The following EYS variants were observed in gnomAD, a reference collection of about 807,000 sequenced individuals.
EYS encodes the protein protein eyes shut homolog.
Under a neutral mutation model 282.1 loss-of-function variants are expected in EYS, and 250 were observed. The observed-to-expected ratio is 0.89, with a 90% CI of 0.80 to 0.98. The LOEUF (loss-of-function observed/expected upper bound fraction) is 0.98, where lower values mean the gene tolerates loss of function less well. Ranked by LOEUF, EYS falls within the 50% of genes least tolerant of loss-of-function variation. EYS has a pLI of 0.00. For synonymous variants in EYS, 1,355 were observed against 1,282.9 expected (o/e 1.06, Z -1.20); for missense variants, 4,016 against 3,709.0 (o/e 1.08, Z -2.15).
intron 22 of EYS, among the ~76,000 whole-genome samples, chr6:64,783,042 T>G (rs1208337639): frequency 1.3e-5 from 2 of 152,146 alleles, no homozygotes; most frequent in Non-Finnish European, 2.9e-5. Context: ...ACTGCCCTGT[T>G]TAGTCCTGTC....
intron 19 of EYS, among the ~76,000 whole-genome samples, chr6:64,841,573 C>T (rs1271464963): frequency 6.6e-6 from 1 of 152,070 alleles, no homozygotes; most frequent in African/African-American, 2.4e-5. Flanking sequence ...ATGTAAGTAT[C>T]TAAATTTCCC....
intron 35 of EYS, among the ~76,000 whole-genome samples, chr6:63,979,066 T>G (rs1158949848): frequency 1.3e-5 from 2 of 151,988 alleles, no homozygotes; most frequent in African/African-American, 4.8e-5. Flanking sequence ...GTTGATTTTC[T>G]TAGTCTAGCT....
chr6:65,505,873 G>C (rs1223719962), intron 2 of EYS, among the ~76,000 whole-genome samples: 1 of 152,122 alleles, frequency 6.6e-6, no homozygotes, highest in African/African-American at 2.4e-5. Flanking sequence ...CTGTTGGATA[G>C]ACTATAATTG....
intron 18 of EYS, among the ~76,000 whole-genome samples, chr6:64,897,789 A>AC (rs1767522470): frequency 6.6e-6 from 1 of 152,234 alleles, no homozygotes; most frequent in African/African-American, 2.4e-5. Flanking sequence ...AAGCCACAGC[A>AC]CAAGAACTTT....
intron 1 of EYS, among the ~76,000 whole-genome samples, chr6:65,682,295 G>A: frequency 6.6e-6 from 1 of 151,882 alleles, no homozygotes; most frequent in Non-Finnish European, 1.5e-5. Flanking sequence ...TTGCTAGCAA[G>A]TCTGTCCAAT....
At chr6:65,105,389 A>G (rs1259152172) in intron 12 of EYS, among the ~76,000 whole-genome samples, 1 of 151,842 alleles carries the variant, frequency 6.6e-6, no homozygotes, top group Non-Finnish European at 1.5e-5. Context: ...ATCATAATGT[A>G]GTGGTTATAT....
At chr6:64,563,364 TTAAA>T (rs1340280340) in intron 26 of EYS, among the ~76,000 whole-genome samples, 1 of 152,068 alleles carries the variant, frequency 6.6e-6, no homozygotes, top group Non-Finnish European at 1.5e-5. Context: ...TTCTTGGTCT[TTAAA>T]GAACATCAGA....
chr6:64,919,272 A>T (rs780358448), intron 15 of EYS, among the ~76,000 whole-genome samples: 2 of 152,092 alleles, frequency 1.3e-5, no homozygotes, highest in Non-Finnish European at 2.9e-5. Context: ...CCCGGGTTCA[A>T]GCGATTCTCC....
intron 41 of EYS, among the ~76,000 whole-genome samples, chr6:63,729,379 A>G (rs774318182): frequency 1.5e-4 from 23 of 152,048 alleles, no homozygotes; most frequent in Non-Finnish European, 3.1e-4. Flanking sequence ...GTTGGCATCT[A>G]GAAACTCATC....
At chr6:64,634,122 T>A (rs1424813663) in intron 22 of EYS, among the ~76,000 whole-genome samples, 1 of 152,174 alleles carries the variant, frequency 6.6e-6, no homozygotes, top group Non-Finnish European at 1.5e-5. Context: ...TAGCTGGGAC[T>A]ACAGGTGTGC....
chr6:65,597,322 C>T (rs1765443297), intron 2 of EYS, among the ~76,000 whole-genome samples: 2 of 151,884 alleles, frequency 1.3e-5, no homozygotes, highest in Admixed American at 1.3e-4. Flanking sequence ...TAGCCTCGCC[C>T]AGAGTAATGT....
intron 30 of EYS, among the ~76,000 whole-genome samples, chr6:64,303,148 C>CA (rs1478062788): frequency 1.4e-4 from 22 of 152,282 alleles, no homozygotes; most frequent in African/African-American, 5.1e-4. Flanking sequence ...ACTCTGCCTG[C>CA]ATGTGGTACC....
chr6:63,877,872 A>G (rs1055434062), intron 35 of EYS, among the ~76,000 whole-genome samples: 11 of 152,180 alleles, frequency 7.2e-5, no homozygotes, highest in Non-Finnish European at 1.3e-4. Flanking sequence ...CCATTCATCT[A>G]ACCTTTTTGA....
At position 64,617,440 on chromosome 6, in the gene EYS, C is replaced by A; in HGVS notation, c.3662G>T (p.Cys1221Phe). The A allele has an allele frequency of 6.5e-7, 1 of 1,549,922 alleles. No individual in the cohort carries two copies. Among genetic ancestry groups the A allele is most frequent in the Non-Finnish European group, 8.7e-7 (1 of 1,145,576 alleles). The change falls in exon 24 of 43, where the codon TGT becomes TTT. Residue 1221 changes from cysteine (C) to phenylalanine (F), a missense_variant. Transcript: ENST00000503581. ...TACCATAAATCCAGGTGTGCATAAA[C>A]ATGTCGAGCCAGGTTCATTCTCCAT... ...LCMENEPGSTCLCTPGFMTCS... is the reference protein window; with the variant it reads ...LCMENEPGSTFLCTPGFMTCS...
intron 15 of EYS, among the ~76,000 whole-genome samples, chr6:64,924,373 C>T (rs1308429346): frequency 6.6e-6 from 1 of 152,160 alleles, no homozygotes; most frequent in Non-Finnish European, 1.5e-5. Context: ...CCATTTTTTG[C>T]TCCTGGGACT....
chr6:64,607,856 A>C (rs1033890038), intron 24 of EYS, among the ~76,000 whole-genome samples: 1 of 152,120 alleles, frequency 6.6e-6, no homozygotes, highest in Non-Finnish European at 1.5e-5. Context: ...TTTGCTATCT[A>C]TGAATAAGCG....
chr6:64,869,631 C>G (rs1256413688), intron 19 of EYS, among the ~76,000 whole-genome samples: 1 of 151,390 alleles, frequency 6.6e-6, no homozygotes, highest in African/African-American at 2.4e-5. Context: ...ACATGATGAA[C>G]AAAATCTCCA....
intron 12 of EYS, among the ~76,000 whole-genome samples, chr6:65,130,237 C>T (rs1321616146): frequency 6.6e-6 from 1 of 151,748 alleles, no homozygotes; most frequent in African/African-American, 2.4e-5. Flanking sequence ...CAGATTCATT[C>T]AAACTCCAAA....
chr6:64,263,513 C>T (rs976854245), intron 30 of EYS, among the ~76,000 whole-genome samples: 3 of 152,104 alleles, frequency 2.0e-5, no homozygotes, highest in Non-Finnish European at 2.9e-5. Flanking sequence ...CGCGGATCTA[C>T]AGTAAACTAC....
Sources: allele counts gnomAD v4.1 joint callset (sites outside exome capture counted in the v4.1 genomes callset), GRCh38; gene constraint gnomAD v4.1.1; transcripts MANE v1.5; gene names NCBI Gene and HGNC (gene_info 2026-07-23, HGNC 2026-07-21).